The following ARHGAP6 variants were observed in gnomAD, a reference collection of about 807,000 sequenced individuals.
ARHGAP6 encodes Rho GTPase activating protein 6.
In ARHGAP6, 16 loss-of-function variants were observed where a neutral mutation model predicts 55.7. The ratio of observed to expected loss-of-function variants is 0.29; its 90% CI spans 0.19 to 0.44. The LOEUF (loss-of-function observed/expected upper bound fraction) is 0.44. ARHGAP6 is among the 20% of genes least tolerant of loss of function. The probability of loss-of-function intolerance (pLI) is 1.00; values close to 1 mark genes in which losing one functional copy is unlikely to be tolerated. For synonymous variants in ARHGAP6, 382 were observed against 360.9 expected, an observed-to-expected ratio of 1.06 and a Z score of -0.66; for missense variants, 698 against 808.9, an observed-to-expected ratio of 0.86 and a Z score of 1.66.
At chrX:11,172,157 C>T (rs776611781) in intron 8 of ARHGAP6, among the ~76,000 whole-genome samples, 33 of 110,997 alleles carry the variant, frequency 3.0e-4, no homozygotes, top group Non-Finnish European at 4.9e-4. Context: ...TGGTGGCTGC[C>T]CTGCCCTGCA....
intron 1 of ARHGAP6, among the ~76,000 whole-genome samples, chrX:11,498,266 G>T (rs897249254): frequency 1.8e-5 from 2 of 111,945 alleles, no homozygotes; most frequent in African/African-American, 6.5e-5. Flanking sequence ...TGATTCAAGA[G>T]CCTGGAATCT....
intron 1 of ARHGAP6, among the ~76,000 whole-genome samples, chrX:11,309,396 C>T (rs953897223): frequency 3.7e-5 from 4 of 109,004 alleles, no homozygotes; most frequent in Admixed American, 2.0e-4. Context: ...AGGAGCCGGC[C>T]AGGCAGTCTC....
intron 1 of ARHGAP6, among the ~76,000 whole-genome samples, chrX:11,337,245 C>A (rs930217941): frequency 2.7e-5 from 3 of 111,354 alleles, no homozygotes; most frequent in Non-Finnish European, 5.6e-5. Flanking sequence ...TTATATACAA[C>A]ATACACTATA....
chrX:11,650,058 G>A (rs2052569338), intron 1 of ARHGAP6, among the ~76,000 whole-genome samples: 1 of 101,631 alleles, frequency 9.8e-6, no homozygotes, highest in South Asian at 4.7e-4. Flanking sequence ...GCAATGGCAC[G>A]ATCATGGTTC....
At chrX:11,233,026 G>C (rs1304978660) in intron 2 of ARHGAP6, among the ~76,000 whole-genome samples, 1 of 112,255 alleles carries the variant, frequency 8.9e-6, no homozygotes, top group Non-Finnish European at 1.9e-5. Context: ...AAGAGTAAAT[G>C]GTGAATACAC....
intron 1 of ARHGAP6, among the ~76,000 whole-genome samples, chrX:11,280,829 T>A: frequency 1.8e-5 from 2 of 110,772 alleles, no homozygotes; most frequent in Middle Eastern, 4.6e-3. Context: ...ATATCTACTT[T>A]ATAGCAATAC....
At chrX:11,484,004 G>A (rs1484604842) in intron 1 of ARHGAP6, among the ~76,000 whole-genome samples, 2 of 111,976 alleles carry the variant, frequency 1.8e-5, no homozygotes, top group Non-Finnish European at 3.8e-5. Flanking sequence ...TTCCTATTAT[G>A]CAGGGCTGCT....
At chrX:11,289,136 T>C (rs1194802171) in intron 1 of ARHGAP6, among the ~76,000 whole-genome samples, 1 of 112,292 alleles carries the variant, frequency 8.9e-6, no homozygotes, top group Non-Finnish European at 1.9e-5. Flanking sequence ...AATTACAAGC[T>C]GTATGAACTC....
intron 1 of ARHGAP6, among the ~76,000 whole-genome samples, chrX:11,274,264 C>T (rs922685696): frequency 1.8e-5 from 2 of 111,648 alleles, no homozygotes; most frequent in Non-Finnish European, 3.8e-5. Context: ...TGAGGCATGC[C>T]TTGACCTTGA....
intron 1 of ARHGAP6, among the ~76,000 whole-genome samples, chrX:11,512,988 T>C (rs928903252): frequency 2.0e-4 from 22 of 112,334 alleles, no homozygotes; most frequent in African/African-American, 6.8e-4. Context: ...TTCATTTTAA[T>C]GAAAGGGAAA....
intron 1 of ARHGAP6, among the ~76,000 whole-genome samples, chrX:11,484,897 G>T (rs1444517704): frequency 9.0e-6 from 1 of 111,504 alleles, no homozygotes; most frequent in Non-Finnish European, 1.9e-5. Context: ...TACATAAATT[G>T]CCCCAAGTCA....
intron 8 of ARHGAP6, among the ~76,000 whole-genome samples, chrX:11,174,563 TTCCTTCCTTC>T (rs1569241072): frequency 0.025 from 2,098 of 84,257 alleles, 79 homozygotes; most frequent in African/African-American, 0.084. Flanking sequence ...CCTTCCTTCC[TTCCTTCCTTC>T]CTTTCTTTCT....
intron 1 of ARHGAP6, among the ~76,000 whole-genome samples, chrX:11,346,139 C>T (rs1319214590): frequency 9.0e-6 from 1 of 111,284 alleles, no homozygotes; most frequent in Non-Finnish European, 1.9e-5. Flanking sequence ...GCCTGAAGCA[C>T]TACACTCCCC....
intron 2 of ARHGAP6, among the ~76,000 whole-genome samples, chrX:11,222,488 T>C (rs182395315): frequency 1.8e-5 from 2 of 111,961 alleles, no homozygotes; most frequent in Admixed American, 1.9e-4. Flanking sequence ...CAATTGATGG[T>C]GGATCTCTGA....
chrX:11,294,916 G>A (rs1159643075), intron 1 of ARHGAP6: 9 of 1,075,604 alleles, frequency 8.4e-6, no homozygotes, highest in African/African-American at 1.8e-5. Flanking sequence ...CTCATAGTTG[G>A]TGAAATTAGG....
chrX:11,449,118 C>A (rs2050120580), intron 1 of ARHGAP6, among the ~76,000 whole-genome samples: 1 of 111,558 alleles, frequency 9.0e-6, no homozygotes, highest in Admixed American at 9.5e-5. Context: ...AGCTGAGACA[C>A]CACCTTTGGC....
intron 1 of ARHGAP6, among the ~76,000 whole-genome samples, chrX:11,461,134 C>A (rs181665668): frequency 1.3e-4 from 14 of 111,929 alleles, no homozygotes; most frequent in Admixed American, 3.8e-4. Flanking sequence ...ATGCTACTTC[C>A]ATTCACAGTC....
At chrX:11,520,624 G>A (rs774550745) in intron 1 of ARHGAP6, among the ~76,000 whole-genome samples, 50 of 111,088 alleles carry the variant, frequency 4.5e-4, no homozygotes, top group Non-Finnish European at 7.5e-4. Flanking sequence ...ATAAACATAC[G>A]TATGCATGTG....
rs192317021 is a variant in ARHGAP6, at chrX:11,315,368, C to T, written c.589-60661G>A. The stretch of plus-strand genomic sequence containing the variant: ...CCTGCGCAGTTCACAATAGAGTTAG[C>T]GCTCTTATGAGACTCTAATGAATGC... On this transcript the variant is annotated intron_variant, in intron 1 of 12. Coordinates refer to ENST00000337414, the MANE Select transcript of ARHGAP6 (RefSeq NM_013427.3). 1.9e-3 allele frequency among the ~76,000 whole-genome samples: 210 copies of T among 111,944 alleles called. 2 individuals are homozygous for T. Among genetic ancestry groups the T allele is most frequent in the Admixed American group, 0.016 (170 of 10,598 alleles).
Sources: allele counts gnomAD v4.1 joint callset (sites outside exome capture counted in the v4.1 genomes callset), GRCh38; gene constraint gnomAD v4.1.1; transcripts MANE v1.5; gene names NCBI Gene and HGNC (gene_info 2026-07-23, HGNC 2026-07-21).